MDN1: variants seen among roughly 807,000 people sequenced by gnomAD.
MDN1 encodes midasin AAA ATPase 1.
In MDN1, 266 loss-of-function variants were observed where a neutral mutation model predicts 669.2. That is an observed-to-expected ratio of 0.40 (90% CI 0.36 to 0.44). The LOEUF is 0.44. Among genes scored for constraint, MDN1 ranks in the 20% least tolerant of loss-of-function variants. MDN1 has a pLI of 1.00. For missense variants in MDN1, 5,940 were observed against 6,754.0 expected (o/e 0.88, Z 4.22); for synonymous variants, 2,385 against 2,457.1 (o/e 0.97, Z 0.87).
At chr6:89,665,174 C>T (rs1267700651) in intron 84 of MDN1, among the ~76,000 whole-genome samples, 3 of 152,080 alleles carry the variant, frequency 2.0e-5, no homozygotes, top group Non-Finnish European at 4.4e-5. Context: ...ACCACAAGCA[C>T]ATACAACCAC....
chr6:89,712,279 A>T (rs750219123), intron 48 of MDN1, 23 bp from the exon 49 acceptor site: 1 of 1,571,174 alleles, frequency 6.4e-7, no homozygotes, highest in Non-Finnish European at 8.8e-7. Flanking sequence ...TGAATGAACA[A>T]ACTCAGTACT....
intron 35 of MDN1, among the ~76,000 whole-genome samples, chr6:89,730,098 G>A (rs547632533): frequency 1.3e-5 from 2 of 152,178 alleles, no homozygotes; most frequent in African/African-American, 2.4e-5. Context: ...AAGCACCTTA[G>A]AAGTAGCTAA....
intron 1 of MDN1, chr6:89,814,777 C>A: frequency 2.3e-6 from 1 of 429,884 alleles, no homozygotes; most frequent in Non-Finnish European, 4.7e-6. Flanking sequence ...CTATGGTTAG[C>A]CATTGGGAGA....
intron 43 of MDN1, 144 bp from the exon 44 acceptor site, chr6:89,716,953 T>C: frequency 1.1e-6 from 1 of 949,170 alleles, no homozygotes; most frequent in South Asian, 2.0e-5. Flanking sequence ...TTGCTTCTGT[T>C]TAAACACAGA....
At chr6:89,788,149 G>A (rs192390674) in intron 7 of MDN1, among the ~76,000 whole-genome samples, 192 bp from the exon 8 acceptor site, 58 of 152,250 alleles carry the variant, frequency 3.8e-4, no homozygotes, top group African/African-American at 1.3e-3. Context: ...TTACACACTC[G>A]ACATTCACGA....
chr6:89,712,634 A>C lies in MDN1; in HGVS notation c.7371T>G (p.Asp2457Glu), dbSNP rs1584247808. ...TGAGACAATATACTAAGATCTGTCCATCTCTTCGGACTGTAGACAGGTGTG... is the reference window on the plus strand; with the variant it reads ...TGAGACAATATACTAAGATCTGTCCCTCTCTTCGGACTGTAGACAGGTGTG... ...EDSHLSTVRR[D>E]GQILVYCLNR... Residue 2457 changes from aspartate to glutamate, a missense_variant, in exon 48 of 102, where the codon GAT becomes GAG. Asp to Glu is a conservative substitution (Grantham distance 45). Coordinates refer to ENST00000369393, the MANE Select transcript of MDN1 (RefSeq NM_014611.3). The C allele has an allele frequency of 6.2e-7, 1 of 1,614,210 alleles. No individual in the cohort carries two copies. Among genetic ancestry groups the C allele is most frequent in the Non-Finnish European group, 8.5e-7 (1 of 1,180,018 alleles).
chr6:89,775,866 T>C (rs536794500), intron 12 of MDN1, among the ~76,000 whole-genome samples: 2 of 152,202 alleles, frequency 1.3e-5, no homozygotes, highest in South Asian at 4.2e-4. Context: ...ATTGTATTTT[T>C]TTAGTAAAGA....
At chr6:89,667,658 T>G (rs1810350660) in intron 84 of MDN1, among the ~76,000 whole-genome samples, 1 of 152,206 alleles carries the variant, frequency 6.6e-6, no homozygotes, top group South Asian at 2.1e-4. Flanking sequence ...ACAGCAAATT[T>G]TGGCATTATT....
At chr6:89,676,512 G>C (rs1424643854) in intron 76 of MDN1, among the ~76,000 whole-genome samples, 1 of 152,102 alleles carries the variant, frequency 6.6e-6, no homozygotes, top group East Asian at 1.9e-4. Context: ...TAACATAAGA[G>C]GACTAAGGAC....
At chr6:89,733,077 GAC>G (rs1181996472) in intron 33 of MDN1, among the ~76,000 whole-genome samples, 1 of 152,140 alleles carries the variant, frequency 6.6e-6, no homozygotes, top group Non-Finnish European at 1.5e-5. Flanking sequence ...TTTGAGTTCG[GAC>G]ACAGTTTTGA....
At chr6:89,656,396 A>G (rs955189855) in intron 91 of MDN1, among the ~76,000 whole-genome samples, 1 of 152,190 alleles carries the variant, frequency 6.6e-6, no homozygotes, top group South Asian at 2.1e-4. Context: ...GCAAAAGCCT[A>G]TGGACAATGA....
rs780856772 is a variant in MDN1 at position 89,702,034 on chromosome 6, G to A, written c.8176C>T (p.Arg2726Trp). Residue 2726 changes from arginine to tryptophan, a missense_variant, in exon 54 of 102, where the codon CGG (arginine) becomes TGG (tryptophan). Coordinates refer to ENST00000369393, the MANE Select transcript of MDN1 (RefSeq NM_014611.3). ...ACTGTGTCGGCCACAGTCCAGAACC[G>A]GTCCCGCCACCGCAGAGAACCTAAG... is the stretch of plus-strand genomic sequence containing the variant. ...EILGSLRWRD[R>W]FWTVADTVKV... The A allele has an allele frequency of 6.8e-6, 11 of 1,608,184 alleles. No individual in the cohort carries two copies. Among genetic ancestry groups the A allele is most frequent in the East Asian group, 2.2e-5 (1 of 44,692 alleles).
rs1047856778 is a variant in MDN1, at chr6:89,687,325, G to A, written c.11450+19C>T. The A allele has an allele frequency of 8.7e-6, 14 of 1,606,980 alleles. No homozygotes were observed. The highest frequency in any genetic ancestry group is 1.2e-5 in the Non-Finnish European group (14 of 1,174,278). ...GCCCTTACAACCTAAGTTTAGGAGA[G>A]GGAAGGAGAGTCACTTACTTCAGCT... On this transcript the variant is annotated intron_variant, in intron 68 of 101. Coordinates refer to ENST00000369393, the MANE Select transcript of MDN1 (RefSeq NM_014611.3).
At chr6:89,729,775 C>G (rs531777698) in intron 35 of MDN1, among the ~76,000 whole-genome samples, 1 of 151,438 alleles carries the variant, frequency 6.6e-6, no homozygotes, top group African/African-American at 2.4e-5. Flanking sequence ...AGGACCACCC[C>G]AGTTCTAGGC....
chr6:89,791,620 A>T (rs1819274324), intron 5 of MDN1, among the ~76,000 whole-genome samples: 1 of 152,176 alleles, frequency 6.6e-6, no homozygotes, highest in African/African-American at 2.4e-5. Context: ...AAAAGTAAAA[A>T]AGAATATTAA....
chr6:89,759,950 T>C (rs1196500035), intron 17 of MDN1, among the ~76,000 whole-genome samples: 1 of 151,746 alleles, frequency 6.6e-6, no homozygotes, highest in Admixed American at 6.6e-5. Flanking sequence ...CACACACCTG[T>C]AATCCCAGCT....
intron 70 of MDN1, 148 bp downstream of exon 70, chr6:89,685,679 T>C: frequency 2.3e-6 from 2 of 867,192 alleles, no homozygotes; most frequent in Non-Finnish European, 3.5e-6. Flanking sequence ...TGTTCTTCTC[T>C]ATATCTAATG....
intron 50 of MDN1, 148 bp downstream of exon 50, chr6:89,710,533 A>C: frequency 2.1e-6 from 1 of 474,530 alleles, no homozygotes; most frequent in Non-Finnish European, 3.7e-6. Flanking sequence ...ATTTCAAAAA[A>C]AAAGAAGGAG....
intron 1 of MDN1, among the ~76,000 whole-genome samples, chr6:89,815,884 G>A (rs73752808): frequency 8.9e-4 from 136 of 152,306 alleles, no homozygotes; most frequent in African/African-American, 3.2e-3. Context: ...CCTGGAGGAA[G>A]GCATAGGAGA....
Sources: allele counts gnomAD v4.1 joint callset (sites outside exome capture counted in the v4.1 genomes callset), GRCh38; gene constraint gnomAD v4.1.1; transcripts MANE v1.5; gene names NCBI Gene and HGNC (gene_info 2026-07-23, HGNC 2026-07-21).